LDLRAD4: variants seen among roughly 807,000 people sequenced by gnomAD.
The protein encoded by LDLRAD4 is low density lipoprotein receptor class A domain containing 4.
LDLRAD4 carries 5 observed loss-of-function variants against 17.0 expected under a neutral mutation model. That is an observed-to-expected ratio of 0.29 (90% CI 0.15 to 0.62). The LOEUF (loss-of-function observed/expected upper bound fraction) is 0.62, where lower values mean the gene tolerates loss of function less well. Ranked by LOEUF, LDLRAD4 falls within the 20% of genes least tolerant of loss-of-function variation. The pLI is 0.84. For missense variants in LDLRAD4, 340 were observed against 424.7 expected (o/e 0.80, Z 1.75); for synonymous variants, 168 against 171.8 (o/e 0.98, Z 0.17).
rs1408213976 is a variant in LDLRAD4 at position 13,300,805 on chromosome 18, A to G, written c.-383+22617A>G. ...TCTGGAGGCCTCCATCTGGTCTTGCATTTCTGAGGCTGAACAGACACCTCT... is the reference window on the plus strand; with the variant it reads ...TCTGGAGGCCTCCATCTGGTCTTGCGTTTCTGAGGCTGAACAGACACCTCT... On this transcript the variant is annotated intron_variant, in intron 1 of 5. Transcript: ENST00000359446. The surrounding 1 kb of genome is among the most constrained non-coding windows in gnomAD (Gnocchi z 4.2). Among the ~76,000 whole-genome samples, 1 of 152,146 alleles carries G rather than the reference A, an allele frequency of 6.6e-6. No individual in the cohort carries two copies. Among genetic ancestry groups the G allele is most frequent in the Non-Finnish European group, 1.5e-5 (1 of 68,030 alleles).
At chr18:13,485,857 C>T (rs763741177) in intron 3 of LDLRAD4, among the ~76,000 whole-genome samples, 1 of 152,122 alleles carries the variant, frequency 6.6e-6, no homozygotes, top group African/African-American at 2.4e-5. Flanking sequence ...CCAGCCTGGG[C>T]GACAGAGCAA....
intron 1 of LDLRAD4, among the ~76,000 whole-genome samples, chr18:13,249,595 C>CTT (rs202121257): frequency 5.6e-5 from 8 of 143,940 alleles, no homozygotes; most frequent in Non-Finnish European, 7.7e-5. Flanking sequence ...AAAATTAGAT[C>CTT]TTTTTTTTTT....
At chr18:13,617,223 T>A (rs2040174927) in intron 3 of LDLRAD4, among the ~76,000 whole-genome samples, 1 of 152,160 alleles carries the variant, frequency 6.6e-6, no homozygotes, top group Non-Finnish European at 1.5e-5. Context: ...CAGGCACGCC[T>A]GGCCTGGAGT....
Position 13,300,582 on chromosome 18 carries a change from G to T in LDLRAD4, c.-383+22394G>T, listed in dbSNP as rs1320618264. Among the ~76,000 whole-genome samples, 1 of 152,194 alleles carries T rather than the reference G, an allele frequency of 6.6e-6. No individual in the cohort carries two copies. The highest frequency in any genetic ancestry group is 1.5e-5 in the Non-Finnish European group (1 of 68,038). On this transcript the variant is annotated intron_variant, in intron 1 of 5. Transcript: ENST00000359446. This position sits in a 1 kb window ranked among gnomAD's most constrained non-coding sequence, Gnocchi z 4.2. ...CCTCTCCTTCTCCTGGCTTATTTCG[G>T]GGTGGGTGTGTGAGAATTGGCTGTG...
At chr18:13,642,607 G>C in intron 4 of LDLRAD4, 4 of 1,230,122 alleles carry the variant, frequency 3.3e-6, no homozygotes, top group Non-Finnish European at 4.1e-6. Context: ...GTCCACCTGC[G>C]AGCGCGGACT....
At chr18:13,451,277 G>A (rs1439258906) in intron 3 of LDLRAD4, among the ~76,000 whole-genome samples, 1 of 152,156 alleles carries the variant, frequency 6.6e-6, no homozygotes, top group African/African-American at 2.4e-5. Context: ...CTGGAGGTGG[G>A]GCCAGGCGGG....
intron 3 of LDLRAD4, among the ~76,000 whole-genome samples, chr18:13,620,106 C>A (rs1216521114): frequency 3.3e-5 from 5 of 152,140 alleles, no homozygotes; most frequent in Non-Finnish European, 7.4e-5. Context: ...CAGTCGTAGC[C>A]ACTGGGGAGG....
At chr18:13,527,461 A>G (rs2094051304) in intron 3 of LDLRAD4, among the ~76,000 whole-genome samples, 1 of 152,168 alleles carries the variant, frequency 6.6e-6, no homozygotes, top group South Asian at 2.1e-4. Context: ...TTGCACACAC[A>G]GCTTTTCCAG....
chr18:13,243,432 A>C (rs1438326860), intron 1 of LDLRAD4, among the ~76,000 whole-genome samples: 2 of 149,814 alleles, frequency 1.3e-5, no homozygotes, highest in Non-Finnish European at 3.0e-5. Context: ...CCATCTAGCC[A>C]CCTGTACACC....
chr18:13,438,158 G>C (rs1046746461), intron 2 of LDLRAD4, 86 bp from the exon 4 acceptor site: 1 of 1,226,322 alleles, frequency 8.2e-7, no homozygotes, highest in Non-Finnish European at 1.2e-6. Flanking sequence ...GCATGCAAAT[G>C]GGGGAAAGAA....
intron 3 of LDLRAD4, chr18:13,585,386 A>G (rs1023948151): frequency 4.6e-5 from 7 of 152,156 alleles, no homozygotes; most frequent in African/African-American, 1.7e-4. Flanking sequence ...TAAGCCATTA[A>G]TATTGAGGTG....
chr18:13,586,749 A>G (rs1238816617), intron 3 of LDLRAD4, among the ~76,000 whole-genome samples: 1 of 151,844 alleles, frequency 6.6e-6, no homozygotes, highest in Non-Finnish European at 1.5e-5. Flanking sequence ...TTAGCCAGGC[A>G]TGGTGGCGCA....
chr18:13,593,334 A>G (rs1319464257), intron 3 of LDLRAD4, among the ~76,000 whole-genome samples: 1 of 152,214 alleles, frequency 6.6e-6, no homozygotes, highest in African/African-American at 2.4e-5. Context: ...AACAAAAAAC[A>G]AAAACAGTCT....
intron 3 of LDLRAD4, among the ~76,000 whole-genome samples, chr18:13,608,158 GA>G (rs34472703): frequency 0.88 from 129,075 of 147,460 alleles, 56,708 homozygotes; most frequent in East Asian, 0.98. Flanking sequence ...ACAAACATAT[GA>G]AAAAAAAAAA....
At position 13,285,335 on chromosome 18, in the gene LDLRAD4, T is replaced by C. The variant is rs145729691; in HGVS notation, c.-383+7147T>C. Among the ~76,000 whole-genome samples, 421 of 152,138 alleles carry C rather than the reference T, an allele frequency of 2.8e-3. 2 individuals carry two copies. Among genetic ancestry groups the C allele is most frequent in the African/African-American group, 9.9e-3 (410 of 41,496 alleles). Reference sequence around the variant, plus strand: ...CACAAGGTGTGTGGTTCATTTGGCTTGGGGCAGTCACTTCAGTGATGGTCA... The same window carrying C: ...CACAAGGTGTGTGGTTCATTTGGCTCGGGGCAGTCACTTCAGTGATGGTCA... On this transcript the variant is annotated intron_variant, in intron 1 of 5. Transcript: ENST00000359446.
intron 3 of LDLRAD4, among the ~76,000 whole-genome samples, chr18:13,485,265 C>T (rs946587179): frequency 2.0e-5 from 3 of 152,128 alleles, no homozygotes; most frequent in African/African-American, 7.2e-5. Flanking sequence ...TGGAGCTGCC[C>T]CTTTTCCACT....
chr18:13,452,738 G>T (rs2091910995), intron 3 of LDLRAD4, among the ~76,000 whole-genome samples: 1 of 152,190 alleles, frequency 6.6e-6, no homozygotes, highest in South Asian at 2.1e-4. Flanking sequence ...ATTCCACCAG[G>T]TCGCGTGTTT....
intron 3 of LDLRAD4, among the ~76,000 whole-genome samples, chr18:13,545,263 A>G (rs1254016134): frequency 6.6e-6 from 1 of 152,138 alleles, no homozygotes; most frequent in African/African-American, 2.4e-5. Flanking sequence ...TGACCACATC[A>G]TTGAGCTGCG....
At chr18:13,501,546 C>T (rs2093614314) in intron 3 of LDLRAD4, among the ~76,000 whole-genome samples, 1 of 151,542 alleles carries the variant, frequency 6.6e-6, no homozygotes. Flanking sequence ...TCTTTCCCTC[C>T]TCCGGAGGTT....
Sources: gnomAD v4.1 joint callset for allele counts (sites outside exome capture counted in the v4.1 genomes callset) on GRCh38, gnomAD v4.1.1 for gene constraint, Gnocchi (gnomAD v3.1) non-coding constraint, MANE v1.5 for transcripts, NCBI Gene and HGNC (gene_info 2026-07-23, HGNC 2026-07-21) for gene names.